Variants in AGBL4 observed in about 807,000 individuals in gnomAD.
The protein encoded by AGBL4 is AGBL carboxypeptidase 4.
Under a neutral mutation model 66.4 loss-of-function variants are expected in AGBL4, and 58 were observed. That is an observed-to-expected ratio of 0.87 (90% CI 0.71 to 1.09). The LOEUF is 1.09. Ranked by LOEUF, AGBL4 falls within the 50% of genes least tolerant of loss-of-function variation. AGBL4 has a pLI of 0.00. For missense variants in AGBL4, 579 were observed against 631.0 expected, an observed-to-expected ratio of 0.92 and a Z score of 0.88; for synonymous variants, 234 against 222.9, an observed-to-expected ratio of 1.05 and a Z score of -0.44.
chr1:50,005,179 T>G (rs138221991), intron 1 of AGBL4, among the ~76,000 whole-genome samples: 2 of 152,060 alleles, frequency 1.3e-5, no homozygotes, highest in Admixed American at 6.5e-5. Context: ...TCGCAGGCCT[T>G]TGGTGAGACC....
At chr1:49,366,611 C>A (rs1644246368) in intron 3 of AGBL4, among the ~76,000 whole-genome samples, 1 of 152,112 alleles carries the variant, frequency 6.6e-6, no homozygotes, top group Non-Finnish European at 1.5e-5. Flanking sequence ...CTTATCTGTA[C>A]CCTCCAATAT....
chr1:49,764,514 GC>G (rs1234928191), intron 2 of AGBL4, among the ~76,000 whole-genome samples: 2 of 152,012 alleles, frequency 1.3e-5, no homozygotes, highest in African/African-American at 4.8e-5. Context: ...TCAACTTTGG[GC>G]TGGCCTGACC....
intron 3 of AGBL4, among the ~76,000 whole-genome samples, chr1:49,348,646 C>T (rs1291674948): frequency 1.3e-5 from 2 of 152,076 alleles, no homozygotes; most frequent in Non-Finnish European, 2.9e-5. Flanking sequence ...GCTTTTGGCC[C>T]AATTATATGG....
intron 3 of AGBL4, among the ~76,000 whole-genome samples, chr1:49,511,666 C>T (rs1570916698): frequency 6.6e-6 from 1 of 151,142 alleles, no homozygotes; most frequent in Non-Finnish European, 1.5e-5. Flanking sequence ...CTCCCCAATG[C>T]GTTTTATAAT....
intron 6 of AGBL4, among the ~76,000 whole-genome samples, chr1:48,733,012 A>G (rs1190465598): frequency 6.6e-6 from 1 of 152,214 alleles, no homozygotes; most frequent in African/African-American, 2.4e-5. Context: ...CGAGGAAGTC[A>G]CTGGGGACCT....
intron 8 of AGBL4, among the ~76,000 whole-genome samples, chr1:48,649,504 T>C (rs1010121877): frequency 6.6e-6 from 1 of 152,244 alleles, no homozygotes; most frequent in African/African-American, 2.4e-5. Context: ...AACTTTAGTA[T>C]AGGCTCTATA....
rs1399841478 is a variant in AGBL4 at position 49,308,851 on chromosome 1, T to C, written c.283-62987A>G. Among the ~76,000 whole-genome samples, 14 of 152,300 alleles carry C rather than the reference T, an allele frequency of 9.2e-5. No homozygotes were observed. The East Asian group carries it at 2.5e-3, about 27-fold the overall frequency. ...AGAATAAAAAGGGTCATTAACTCTA[T>C]TGAGCACTGTGTAATAGGCCATGTT... On this transcript the variant is annotated intron_variant, in intron 3 of 13. Coordinates refer to ENST00000371839, the MANE Select transcript of AGBL4 (RefSeq NM_032785.4).
chr1:49,948,088 A>G (rs1192273946), intron 1 of AGBL4, among the ~76,000 whole-genome samples: 2 of 88,484 alleles, frequency 2.3e-5, no homozygotes, highest in East Asian at 7.8e-4. Context: ...ATATGTAAAT[A>G]TATGTATATG....
intron 4 of AGBL4, among the ~76,000 whole-genome samples, chr1:49,149,192 T>C (rs1282694775): frequency 6.6e-6 from 1 of 152,204 alleles, no homozygotes; most frequent in Non-Finnish European, 1.5e-5. Context: ...ACCAGTCTCT[T>C]TACAGTGCTA....
chr1:49,971,907 G>GTTGTTTTTTTTTTTTTTTGTTTTTTT (rs1553155278), intron 1 of AGBL4, among the ~76,000 whole-genome samples: 1 of 23,428 alleles, frequency 4.3e-5, no homozygotes, highest in Non-Finnish European at 7.9e-5. Flanking sequence ...GTTTTTTTGG[G>GTTGTTTTTTTTTTTTTTTGTTTTTTT]TTTTTTTTTT....
intron 1 of AGBL4, among the ~76,000 whole-genome samples, chr1:49,940,040 A>G (rs1460129398): frequency 6.6e-6 from 1 of 152,234 alleles, no homozygotes; most frequent in East Asian, 1.9e-4. Context: ...AAGTGGGTGA[A>G]GGACATGAAC....
intron 2 of AGBL4, among the ~76,000 whole-genome samples, chr1:49,757,838 A>G (rs971313301): frequency 2.0e-5 from 3 of 152,220 alleles, no homozygotes; most frequent in African/African-American, 7.2e-5. Context: ...ATAGAAAAGA[A>G]AAATCCATTT....
At chr1:49,741,076 A>AT (rs1434966951) in intron 2 of AGBL4, among the ~76,000 whole-genome samples, 1 of 117,858 alleles carries the variant, frequency 8.5e-6, no homozygotes, top group Non-Finnish European at 2.2e-5. Flanking sequence ...AGATAGAGAC[A>AT]TAAAAAAACC....
chr1:49,438,951 C>T (rs1213148068), intron 3 of AGBL4, among the ~76,000 whole-genome samples: 1 of 152,200 alleles, frequency 6.6e-6, no homozygotes, highest in Non-Finnish European at 1.5e-5. Context: ...AGATCAAGAA[C>T]AGGCTGTTAC....
chr1:48,953,818 G>A (rs1433550934), intron 5 of AGBL4, among the ~76,000 whole-genome samples: 1 of 152,164 alleles, frequency 6.6e-6, no homozygotes, highest in Non-Finnish European at 1.5e-5. Flanking sequence ...AAAGAGACGG[G>A]CTGCTAACTG....
At chr1:49,262,123 C>T (rs1246905240) in intron 3 of AGBL4, among the ~76,000 whole-genome samples, 1 of 152,098 alleles carries the variant, frequency 6.6e-6, no homozygotes, top group Non-Finnish European at 1.5e-5. Flanking sequence ...AAAGCTGAAA[C>T]TGGATACCTT....
At chr1:49,027,614 T>C (rs1301872987) in intron 5 of AGBL4, among the ~76,000 whole-genome samples, 1 of 152,120 alleles carries the variant, frequency 6.6e-6, no homozygotes, top group Non-Finnish European at 1.5e-5. Flanking sequence ...ACCTACTTCC[T>C]AGTCTATAGC....
At chr1:48,579,915 CAA>C (rs35518235) in intron 11 of AGBL4, among the ~76,000 whole-genome samples, 47 of 65,710 alleles carry the variant, frequency 7.2e-4, no homozygotes, top group South Asian at 5.7e-3. Context: ...GACTCCGCCT[CAA>C]AAAAAAAAAA....
intron 1 of AGBL4, among the ~76,000 whole-genome samples, chr1:50,022,646 ACACACAC>A (rs1662535410): frequency 6.6e-6 from 1 of 151,022 alleles, no homozygotes; most frequent in East Asian, 1.9e-4. Context: ...ACACACACAC[ACACACAC>A]ACACACACCA....
Sources: gnomAD v4.1 joint callset for allele counts (sites outside exome capture counted in the v4.1 genomes callset) on GRCh38, gnomAD v4.1.1 for gene constraint, MANE v1.5 for transcripts, NCBI Gene and HGNC (gene_info 2026-07-23, HGNC 2026-07-21) for gene names.